Variants in ATE1 observed in about 807,000 individuals in gnomAD.
The protein encoded by ATE1 is arginyltransferase 1.
Under a neutral mutation model 70.5 loss-of-function variants are expected in ATE1, and 36 were observed. That is an observed-to-expected ratio of 0.51 (90% CI 0.39 to 0.67). The LOEUF (loss-of-function observed/expected upper bound fraction) is 0.67, where lower values mean the gene tolerates loss of function less well. Ranked by LOEUF, ATE1 falls within the 30% of genes least tolerant of loss-of-function variation. The pLI is 0.00. For missense variants in ATE1, 593 were observed against 629.5 expected, an observed-to-expected ratio of 0.94 and a Z score of 0.62; for synonymous variants, 232 against 219.3, an observed-to-expected ratio of 1.06 and a Z score of -0.51.
chr10:121,914,786 GCGGTACTA>G (rs1951579182), intron 3 of ATE1, among the ~76,000 whole-genome samples: 1 of 152,182 alleles, frequency 6.6e-6, no homozygotes, highest in Non-Finnish European at 1.5e-5. Flanking sequence ...GCTGAAAGCA[GCGGTACTA>G]CTGAAAACGG....
intron 8 of ATE1, among the ~76,000 whole-genome samples, chr10:121,852,477 G>A (rs1287733377): frequency 6.6e-6 from 1 of 152,118 alleles, no homozygotes; most frequent in Non-Finnish European, 1.5e-5. Flanking sequence ...TTGGGAGGCA[G>A]AGGCAGGCAG....
chr10:121,924,699 C>CA (rs374852378), intron 1 of ATE1, among the ~76,000 whole-genome samples: 19,414 of 86,206 alleles, frequency 0.23, 1,578 homozygotes, highest in Middle Eastern at 0.3. Flanking sequence ...GACTCCATCT[C>CA]AAAAAAAAAA....
At chr10:121,797,261 T>A (rs1946694029) in intron 10 of ATE1, among the ~76,000 whole-genome samples, 1 of 152,242 alleles carries the variant, frequency 6.6e-6, no homozygotes, top group Admixed American at 6.5e-5. Context: ...GCGAAAGTTA[T>A]AAACTGATAC....
chr10:121,884,847 A>G (rs903752962), intron 7 of ATE1, among the ~76,000 whole-genome samples: 8 of 152,180 alleles, frequency 5.3e-5, no homozygotes, highest in Admixed American at 3.3e-4. Context: ...GACACAGACT[A>G]CAATACACAA....
rs150527174 is a variant in ATE1, at chr10:121,852,125, A to G, written c.976-10862T>C. On this transcript the variant is annotated intron_variant, in intron 8 of 11. Coordinates refer to ENST00000224652, the MANE Select transcript of ATE1 (RefSeq NM_001001976.3). ...GTCATATGCCAGGCATCAGGCCAGT[A>G]TTTGAGGGGATTTACTACGAAGTTC... Among the ~76,000 whole-genome samples the G allele has an allele frequency of 2.3e-4, 35 of 152,342 alleles. No individual in the cohort carries two copies. The East Asian group carries it at 5.4e-3, about 24-fold the overall frequency.
At chr10:121,857,382 G>T (rs906555865) in intron 8 of ATE1, among the ~76,000 whole-genome samples, 1 of 152,108 alleles carries the variant, frequency 6.6e-6, no homozygotes, top group Non-Finnish European at 1.5e-5. Context: ...ATTCTGTGTT[G>T]GTTTGCTTAG....
chr10:121,764,578 C>T (rs1356577521), intron 11 of ATE1, among the ~76,000 whole-genome samples: 1 of 151,508 alleles, frequency 6.6e-6, no homozygotes, highest in Non-Finnish European at 1.5e-5. Flanking sequence ...AAACAAACCA[C>T]AGAATATTTT....
chr10:121,799,872 A>G (rs1478808480), intron 10 of ATE1, among the ~76,000 whole-genome samples: 2 of 152,234 alleles, frequency 1.3e-5, no homozygotes, highest in African/African-American at 4.8e-5. Context: ...ACAATTCATC[A>G]GAAATAAAAG....
chr10:121,775,953 C>T (rs548664448), intron 11 of ATE1, among the ~76,000 whole-genome samples: 2 of 152,286 alleles, frequency 1.3e-5, no homozygotes, highest in South Asian at 2.1e-4. Context: ...ATCCCAAATC[C>T]CTTCTAGTTC....
chr10:121,927,813 C>A, intron 1 of ATE1, 31 bp downstream of exon 1: 1 of 1,536,900 alleles, frequency 6.5e-7, no homozygotes, highest in Non-Finnish European at 8.8e-7. Flanking sequence ...GGGCGCCCGG[C>A]TTCCCACGCC....
chr10:121,918,726 G>A (rs1304588375), intron 3 of ATE1, among the ~76,000 whole-genome samples: 1 of 146,474 alleles, frequency 6.8e-6, no homozygotes, highest in East Asian at 2.2e-4. Flanking sequence ...TATTCTTTGT[G>A]TAATGACACA....
At chr10:121,895,536 C>A (rs910595116) in intron 7 of ATE1, among the ~76,000 whole-genome samples, 4 of 152,036 alleles carry the variant, frequency 2.6e-5, no homozygotes, top group Non-Finnish European at 5.9e-5. Context: ...ATCGCTTGAA[C>A]CTTGGAGGCG....
At chr10:121,765,072 A>G (rs1945219215) in intron 11 of ATE1, among the ~76,000 whole-genome samples, 1 of 152,140 alleles carries the variant, frequency 6.6e-6, no homozygotes, top group Non-Finnish European at 1.5e-5. Flanking sequence ...TGCTGCTTTT[A>G]CCATTTGCCA....
chr10:121,846,461 G>T (rs1948826405), intron 8 of ATE1: 1 of 152,146 alleles, frequency 6.6e-6, no homozygotes, highest in African/African-American at 2.4e-5. Flanking sequence ...CTTCCAAAGA[G>T]TATTGTATGA....
intron 8 of ATE1, among the ~76,000 whole-genome samples, chr10:121,842,224 T>C (rs945019264): frequency 1.3e-5 from 2 of 152,230 alleles, no homozygotes; most frequent in South Asian, 2.1e-4. Context: ...TTTCAGAATA[T>C]AACCATCTTC....
chr10:121,928,129 G>T, upstream of ATE1: 2 of 1,241,806 alleles, frequency 1.6e-6, no homozygotes, highest in South Asian at 3.5e-5. Context: ...GCGCCATCTT[G>T]ACCGAGGGCA....
rs144268216 is a variant in ATE1 at position 121,785,599 on chromosome 10, G to C, written c.1378+4570C>G. ...GCAAGAATGATGGGCAGAGTAGAGA[G>C]AGAAGAAAAGAAAGAGGCCTTTAAA... On this transcript the variant is annotated intron_variant, in intron 11 of 11. Transcript: ENST00000224652. Among the ~76,000 whole-genome samples, 222 of 152,284 alleles carry C rather than the reference G, an allele frequency of 1.5e-3. 1 individual carries two copies. The highest frequency in any genetic ancestry group is 2.1e-3 in the Non-Finnish European group (145 of 68,022).
intron 8 of ATE1, chr10:121,846,661 T>C (rs987560986): frequency 6.6e-6 from 1 of 152,086 alleles, no homozygotes; most frequent in Non-Finnish European, 1.5e-5. Flanking sequence ...GATTTCTTTG[T>C]TCCTTCTCCA....
At chr10:121,879,757 A>G (rs74158461) in intron 7 of ATE1, among the ~76,000 whole-genome samples, 16,195 of 152,264 alleles carry the variant, frequency 0.11, 2,680 homozygotes, top group African/African-American at 0.36. Context: ...AGCAGTCACC[A>G]GTAAGGAAGA....
Sources: allele counts gnomAD v4.1 joint callset (sites outside exome capture counted in the v4.1 genomes callset), GRCh38; gene constraint gnomAD v4.1.1; transcripts MANE v1.5; gene names NCBI Gene and HGNC (gene_info 2026-07-23, HGNC 2026-07-21).